The following UBXN1 variants were observed in gnomAD, a reference collection of about 807,000 sequenced individuals.
The protein encoded by UBXN1 is UBX domain protein 1.
Under a neutral mutation model 42.0 loss-of-function variants are expected in UBXN1, and 21 were observed. The ratio of observed to expected loss-of-function variants is 0.50; its 90% CI spans 0.35 to 0.72. The LOEUF is 0.72. UBXN1 is among the 30% of genes least tolerant of loss of function. The probability of loss-of-function intolerance (pLI) is 0.00; values close to 1 mark genes in which losing one functional copy is unlikely to be tolerated. For synonymous variants in UBXN1, 172 were observed against 142.6 expected, an observed-to-expected ratio of 1.21 and a Z score of -1.47; for missense variants, 374 against 382.2, an observed-to-expected ratio of 0.98 and a Z score of 0.18.
chr11:62,677,731 T>A (rs1299249121), intron 6 of UBXN1, 50 bp downstream of exon 6: 1 of 1,613,988 alleles, frequency 6.2e-7, no homozygotes, highest in Admixed American at 1.7e-5. Context: ...CTGGAAAAGA[T>A]TTACTAACCT....
At position 62,677,788 on chromosome 11, in the gene UBXN1, GCT is replaced by G. The variant is rs1945050568; in HGVS notation, c.525_526del (p.Arg175SerfsTer37). The G allele has an allele frequency of 6.2e-7, 1 of 1,614,144 alleles. No homozygotes were observed. The highest frequency in any genetic ancestry group is 8.5e-7 in the Non-Finnish European group (1 of 1,180,022). The stretch of plus-strand genomic sequence containing the variant: ...GTCTTCTCAGTCACCTACCTTCTTG[GCT>G]CTCTCTGCTTTGTCCCTCTCGATCT... On this transcript the variant is annotated frameshift_variant, in exon 6 of 9. Transcript: ENST00000301935. LOFTEE classifies it high-confidence loss of function.
In UBXN1 at chr11:62,677,767, TCTC is replaced by T; in HGVS notation, c.534+11_534+13del. 6.2e-7 allele frequency: 1 copy of T among 1,614,238 alleles called. No individual in the cohort carries two copies. Among genetic ancestry groups the T allele is most frequent in the Non-Finnish European group, 8.5e-7 (1 of 1,180,036 alleles). On this transcript the variant is annotated intron_variant, in intron 6 of 8. Coordinates refer to ENST00000301935, the MANE Select transcript of UBXN1 (RefSeq NM_001286077.2). ...GCCCACTCCATTACCCGTGGCGTCT[TCTC>T]AGTCACCTACCTTCTTGGCTCTCTC...
At position 62,678,974 on chromosome 11, in the gene UBXN1, G is replaced by C. The variant is rs1283684032; in HGVS notation, c.-51C>G. The C allele has an allele frequency of 6.5e-7, 1 of 1,538,868 alleles. No homozygotes were observed. Among genetic ancestry groups the C allele is most frequent in the Non-Finnish European group, 8.7e-7 (1 of 1,145,178 alleles). ...GGACCTGGTGTGTGACGAGAAGGAG[G>C]GCGGGAAGGGTCAGCGCGAGGCAAC... On this transcript the variant is annotated 5_prime_UTR_variant, in exon 1 of 9. Transcript: ENST00000301935.
rs1471766423 is a variant in UBXN1 at position 62,677,626 on chromosome 11, G to C, written c.543C>G (p.Gly181=). The C allele has an allele frequency of 1.9e-6, 3 of 1,612,378 alleles. No individual in the cohort carries two copies. Among genetic ancestry groups the C allele is most frequent in the Non-Finnish European group, 2.5e-6 (3 of 1,179,332 alleles). Reference sequence around the variant, plus strand: ...CTGGGGGTGGCTGAGAGCCCACACTGCCACCATACTAAAGGGCAAAGTAAA... The same window carrying C: ...CTGGGGGTGGCTGAGAGCCCACACTCCCACCATACTAAAGGGCAAAGTAAA... ...DKAERAKKYG[G]SVGSQPPPVA... is the part of the protein sequence containing the mutation. The change falls in exon 7 of 9, where the codon GGC becomes GGG. Residue 181 remains glycine, a synonymous_variant. Transcript: ENST00000301935.
In UBXN1 at chr11:62,678,677, G is replaced by A. The variant is rs1289396260; in HGVS notation, c.113+13C>T. ...CAGCCCCCAATTCTCCGCCACCCGG[G>A]ACGAGCGCTTACCAGTCCATCGCAG... On this transcript the variant is annotated intron_variant, in intron 2 of 8. Transcript: ENST00000301935. The A allele has an allele frequency of 1.4e-5, 23 of 1,610,182 alleles. No individual in the cohort carries two copies. Among genetic ancestry groups the A allele is most frequent in the Non-Finnish European group, 1.9e-5 (22 of 1,178,984 alleles).
In UBXN1 at chr11:62,676,535, G is replaced by T; in HGVS notation, c.*55C>A. 6.5e-7 allele frequency: 1 copy of T among 1,533,880 alleles called. No individual in the cohort carries two copies. Among genetic ancestry groups the T allele is most frequent in the Non-Finnish European group, 8.8e-7 (1 of 1,139,326 alleles). ...AGGGTCTATTTATTAGGAAGGAGAT[G>T]TCAGTGCTTTATCAAAGATGAAGGG... is the stretch of plus-strand genomic sequence containing the variant. On this transcript the variant is annotated 3_prime_UTR_variant, in exon 9 of 9. Coordinates refer to ENST00000301935, the MANE Select transcript of UBXN1 (RefSeq NM_001286077.2).
rs1181789742 is a variant in UBXN1 at position 62,677,522 on chromosome 11, A to T, written c.647T>A (p.Ile216Lys). The change falls in exon 7 of 9, where the codon ATA becomes AAA. Residue 216 changes from isoleucine to lysine, a missense_variant. Ile to Lys is a moderately radical substitution (Grantham distance 102, BLOSUM62 -3). Coordinates refer to ENST00000301935, the MANE Select transcript of UBXN1 (RefSeq NM_001286077.2). The part of the protein sequence containing the change: ...PTKREYDQCR[I>K]QVRLPDGTSL... ...GATAAGAATTAGAATCAGTACCTGT[A>T]TGCGACACTGGTCATACTCCCGCTT... The T allele has an allele frequency of 1.9e-6, 3 of 1,614,136 alleles. No individual in the cohort carries two copies. The highest frequency in any genetic ancestry group is 2.5e-6 in the Non-Finnish European group (3 of 1,179,968).
chr11:62,677,989 T>C lies in UBXN1; in HGVS notation c.420A>G (p.Glu140=). Residue 140 remains glutamate, a synonymous_variant, in exon 5 of 9, where the codon GAA becomes GAG. Coordinates refer to ENST00000301935, the MANE Select transcript of UBXN1 (RefSeq NM_001286077.2). ...ELSAARQRLQ[E]DEMRRAAEER... ...CCTCAGCAGCCCGGCGCATCTCATC[T>C]TCCTGTAGCCGCTGTCGTGCTGCTG... 9 of 1,614,182 alleles carry C rather than the reference T, an allele frequency of 5.6e-6. No individual in the cohort carries two copies. Among genetic ancestry groups the C allele is most frequent in the Non-Finnish European group, 7.6e-6 (9 of 1,180,044 alleles).
At chr11:62,676,743 C>T in intron 8 of UBXN1, 70 bp downstream of exon 8, 1 of 1,614,096 alleles carries the variant, frequency 6.2e-7, no homozygotes, top group Non-Finnish European at 8.5e-7. Context: ...TCTTTGCATC[C>T]CTCCTTTTCC....
rs1243416279 is a variant in UBXN1, at chr11:62,678,126, G to A, written c.291-8C>T. Reference sequence around the variant, plus strand: ...GCCACCAGCTCCAACATCCTGTGTTGCCGAGGGAAAACAGTTCAAGAGAAA... The same window carrying A: ...GCCACCAGCTCCAACATCCTGTGTTACCGAGGGAAAACAGTTCAAGAGAAA... On this transcript the variant is annotated splice_region_variant and splice_polypyrimidine_tract_variant and intron_variant, in intron 4 of 8. Coordinates refer to ENST00000301935, the MANE Select transcript of UBXN1 (RefSeq NM_001286077.2). 7 of 1,613,276 alleles carry A rather than the reference G, an allele frequency of 4.3e-6. No homozygotes were observed. Among genetic ancestry groups the A allele is most frequent in the Non-Finnish European group, 5.9e-6 (7 of 1,179,548 alleles).
chr11:62,677,758 G>A (rs755339116), intron 6 of UBXN1, 23 bp downstream of exon 6: 8 of 1,614,050 alleles, frequency 5.0e-6, no homozygotes, highest in South Asian at 3.3e-5. Flanking sequence ...TCCATTACCC[G>A]TGGCGTCTTC....
In UBXN1 at chr11:62,677,565, T is replaced by C; in HGVS notation, c.604A>G (p.Ser202Gly). Residue 202 changes from serine (S) to glycine (G), a missense_variant, in exon 7 of 9, where the codon AGC becomes GGC. Coordinates refer to ENST00000301935, the MANE Select transcript of UBXN1 (RefSeq NM_001286077.2). ...PEPGPVPSSPSQEPPTKREYD... is the reference protein window; with the variant it reads ...PEPGPVPSSPGQEPPTKREYD... ...TCCCGCTTGGTGGGAGGCTCCTGGC[T>C]GGGAGAAGAGGGAACAGGACCTGGC... 6.2e-7 allele frequency: 1 copy of C among 1,614,156 alleles called. No homozygotes were observed. The highest frequency in any genetic ancestry group is 8.5e-7 in the Non-Finnish European group (1 of 1,180,010).
At position 62,678,773 on chromosome 11, in the gene UBXN1, C is replaced by T. The variant is rs191821120; in HGVS notation, c.60-30G>A. ...GGGCAGAAACACCATGAATAGCGCC[C>T]ACGAGCCATGGTGACGGTCAGGCTG... On this transcript the variant is annotated intron_variant, in intron 1 of 8. Transcript: ENST00000301935. 371 of 1,612,884 alleles carry T rather than the reference C, an allele frequency of 2.3e-4. 1 individual carries two copies. The African/African-American group carries it at 4.6e-3, about 20-fold the overall frequency.
intron 2 of UBXN1, 29 bp downstream of exon 2, chr11:62,678,661 A>G (rs768652978): frequency 1.0e-5 from 15 of 1,493,110 alleles, no homozygotes; most frequent in East Asian, 2.5e-5. Context: ...CCAGCCCCCA[A>G]TTCTCCGCCA....
rs549313934 is a variant in UBXN1 at position 62,677,322 on chromosome 11, GA to G, written c.651+195del. 2.6e-3 allele frequency: 1,734 copies of G among 656,974 alleles called. 32 individuals carry two copies. Among genetic ancestry groups the G allele is most frequent in the Admixed American group, 0.023 (796 of 35,164 alleles). The allele number at this position is 656,974 out of a possible 1,614,324, so 40.7% of individuals were successfully genotyped here. On this transcript the variant is annotated intron_variant, in intron 7 of 8. Coordinates refer to ENST00000301935, the MANE Select transcript of UBXN1 (RefSeq NM_001286077.2). Reference sequence around the variant, plus strand: ...AAAAGGGTAACTGCTGAGTAAGAGAGAGGTATGGGTTTAAATACAACTGGGG... The same window carrying G: ...AAAAGGGTAACTGCTGAGTAAGAGAGGGTATGGGTTTAAATACAACTGGGG...
rs370802907 is a variant in UBXN1, at chr11:62,678,334, T to C, written c.290+5A>G. 33 of 1,614,224 alleles carry C rather than the reference T, an allele frequency of 2.0e-5. No homozygotes were observed. In the African/African-American group the frequency reaches 4.0e-4, roughly 20 times the overall value. On this transcript the variant is annotated splice_donor_5th_base_variant and intron_variant, in intron 4 of 8. Transcript: ENST00000301935. ...CTCAGACACGTGAGATTGTTGTTAC[T>C]GTACCTCTTAGTTTGTTCCTGTCTT...
In UBXN1 at chr11:62,678,069, CCT is replaced by C; in HGVS notation, c.338_339del (p.Glu113GlyfsTer29). On this transcript the variant is annotated frameshift_variant, in exon 5 of 9. Coordinates refer to ENST00000301935, the MANE Select transcript of UBXN1 (RefSeq NM_001286077.2). LOFTEE classifies it high-confidence loss of function. ...AQKQREREER[E>X]EREALERERQ... ...CGTTCCCGTTCCAATGCCTCCCGTT[CCT>C]CTCTTTCTTCACGCTCCCGCTGCTT... 1 of 1,614,164 alleles carries C rather than the reference CCT, an allele frequency of 6.2e-7. No homozygotes were observed. Among genetic ancestry groups the C allele is most frequent in the South Asian group, 1.1e-5 (1 of 91,084 alleles).
rs766507871 is a variant in UBXN1, at chr11:62,678,699, G to A, written c.104C>T (p.Ala35Val). 2.6e-6 allele frequency: 4 copies of A among 1,554,542 alleles called. No individual in the cohort carries two copies. The East Asian group carries it at 7.4e-5, about 29-fold the overall frequency. ...ALTGNQGIEAAMDWLMEHEDD... is the reference protein window; with the variant it reads ...ALTGNQGIEAVMDWLMEHEDD... ...CGGGACGAGCGCTTACCAGTCCATC[G>A]CAGCCTCGATGCCCTGGTTCCCTGT... The change falls in exon 2 of 9, where the codon GCG becomes GTG. Residue 35 changes from alanine to valine, a missense_variant. Transcript: ENST00000301935.
rs1337167073 is a variant in UBXN1, at chr11:62,676,931, A to G, written c.726T>C (p.Tyr242=). 1.9e-6 allele frequency: 3 copies of G among 1,613,368 alleles called. No homozygotes were observed. Among genetic ancestry groups the G allele is most frequent in the Admixed American group, 1.7e-5 (1 of 59,992 alleles). ...AREQLAAVRL[Y]VELHRGEELG... is the part of the protein sequence containing the mutation. The stretch of plus-strand genomic sequence containing the variant: ...GTTCCTCCCCACGGTGGAGCTCCAC[A>G]TAGAGCCTCACAGCTGCCAGCTGTT... Residue 242 remains tyrosine, a synonymous_variant, in exon 8 of 9, where the codon TAT becomes TAC. Transcript: ENST00000301935.
Sources: allele counts gnomAD v4.1 joint callset, GRCh38; gene constraint gnomAD v4.1.1; transcripts MANE v1.5; gene names NCBI Gene and HGNC (gene_info 2026-07-23, HGNC 2026-07-21).